ARHGAP6: variants seen among roughly 807,000 people sequenced by gnomAD.
The protein encoded by ARHGAP6 is Rho GTPase activating protein 6, also known as rho GTPase-activating protein 6.
ARHGAP6 carries 16 observed loss-of-function variants against 55.7 expected under a neutral mutation model. The ratio of observed to expected loss-of-function variants is 0.29; its 90% CI spans 0.19 to 0.44. ARHGAP6 has a LOEUF of 0.44. Among genes scored for constraint, ARHGAP6 ranks in the 20% least tolerant of loss-of-function variants. ARHGAP6 has a pLI of 1.00. For missense variants in ARHGAP6, 698 were observed against 808.9 expected (o/e 0.86, Z 1.66); for synonymous variants, 382 against 360.9 (o/e 1.06, Z -0.66).
rs1461348594 is a variant in ARHGAP6, at chrX:11,144,152, A to G, written c.2004T>C (p.Pro668=). Residue 668 remains proline (P), a synonymous_variant, in exon 11 of 13, where the codon CCT becomes CCC. Coordinates refer to ENST00000337414, the MANE Select transcript of ARHGAP6 (RefSeq NM_013427.3). ...ACAGCACTGGGGAGTTGTTGTCATA[A>G]GGGGAGATGTCTCCGCTGGAGGCCT... The part of the protein sequence containing the change: ...SNKASSGDIS[P]YDNNSPVLSE... The G allele has an allele frequency of 8.3e-7, 1 of 1,212,004 alleles. No homozygotes were observed. Among genetic ancestry groups the G allele is most frequent in the South Asian group, 1.8e-5 (1 of 56,997 alleles).
intron 1 of ARHGAP6, among the ~76,000 whole-genome samples, chrX:11,273,655 A>AC (rs773864571): frequency 3.8e-5 from 4 of 105,667 alleles, no homozygotes; most frequent in Non-Finnish European, 7.8e-5. Flanking sequence ...CTATGGGTAG[A>AC]TTTTTTTTTT....
intron 2 of ARHGAP6, among the ~76,000 whole-genome samples, chrX:11,200,513 CCAAA>C (rs769470463): frequency 1.3e-3 from 142 of 112,584 alleles, no homozygotes; most frequent in African/African-American, 3.8e-3. Context: ...AAGACCAATA[CCAAA>C]CAGTGTCTTC....
At chrX:11,663,340 G>C (rs894956832) in intron 1 of ARHGAP6, among the ~76,000 whole-genome samples, 1 of 111,723 alleles carries the variant, frequency 9.0e-6, no homozygotes, top group Non-Finnish European at 1.9e-5. Flanking sequence ...ACAACTGATG[G>C]AATCTCCCTT....
chrX:11,450,914 C>G (rs1254543610), intron 1 of ARHGAP6, among the ~76,000 whole-genome samples: 1 of 111,538 alleles, frequency 9.0e-6, no homozygotes, highest in African/African-American at 3.3e-5. Flanking sequence ...CCCCATTTCC[C>G]CACCGCTGAC....
chrX:11,326,641 C>G (rs2048502949), intron 1 of ARHGAP6, among the ~76,000 whole-genome samples: 1 of 111,781 alleles, frequency 8.9e-6, no homozygotes, highest in Non-Finnish European at 1.9e-5. Context: ...TTGAATGAAT[C>G]TGAGTAACTC....
At chrX:11,357,528 T>C (rs5935030) in intron 1 of ARHGAP6, among the ~76,000 whole-genome samples, 8 of 111,621 alleles carry the variant, frequency 7.2e-5, no homozygotes, top group African/African-American at 2.3e-4. Context: ...TTTATTGTTC[T>C]CCAAATTTTA....
intron 1 of ARHGAP6, among the ~76,000 whole-genome samples, chrX:11,436,825 A>G (rs2049991306): frequency 9.4e-6 from 1 of 106,100 alleles, no homozygotes; most frequent in Non-Finnish European, 1.9e-5. Flanking sequence ...AATGTCAAGA[A>G]TAAGCAAATC....
chrX:11,619,609 C>T (rs900238397), intron 1 of ARHGAP6, among the ~76,000 whole-genome samples: 1 of 111,791 alleles, frequency 8.9e-6, no homozygotes, highest in Non-Finnish European at 1.9e-5. Context: ...ACATGGATTA[C>T]TGCCCTCTAA....
At chrX:11,168,348 C>G (rs746591933) in intron 9 of ARHGAP6, among the ~76,000 whole-genome samples, 2 of 112,353 alleles carry the variant, frequency 1.8e-5, no homozygotes, top group South Asian at 7.4e-4. Flanking sequence ...ACAATACTTT[C>G]ACGTATCAAA....
chrX:11,234,032 A>G (rs1234215411), intron 2 of ARHGAP6, among the ~76,000 whole-genome samples: 1 of 112,322 alleles, frequency 8.9e-6, no homozygotes, highest in African/African-American at 3.2e-5. Context: ...CCCTCTTTTT[A>G]TTTGGGAAAC....
At chrX:11,295,765 G>A (rs914287537) in intron 1 of ARHGAP6, among the ~76,000 whole-genome samples, 10 of 112,086 alleles carry the variant, frequency 8.9e-5, no homozygotes, top group South Asian at 3.7e-4. Context: ...TTGTTCAAGA[G>A]GGTATAGGAC....
Position 11,254,706 on chromosome X carries a change from C to A in ARHGAP6, c.590G>T (p.Gly197Val). Reference sequence around the variant, plus strand: ...TGACATGCTGTTCCAGGTGAAATCACCCTGTAGGCCAAAAAAAAAAAAAAA... The same window carrying A: ...TGACATGCTGTTCCAGGTGAAATCAACCTGTAGGCCAAAAAAAAAAAAAAA... ...GHPYVVWKSE[G>V]DFTWNSMSGR... Residue 197 changes from glycine to valine, a missense_variant and splice_region_variant, in exon 2 of 13, where the codon GGT (glycine) becomes GTT (valine). Gly to Val is a moderately radical substitution (Grantham distance 109). Around this residue, in one of 3 missense-constraint regions of ARHGAP6, gnomAD observed 322 missense variants for 451.1 expected, o/e 0.71. Coordinates refer to ENST00000337414, the MANE Select transcript of ARHGAP6 (RefSeq NM_013427.3). The A allele has an allele frequency of 1.8e-6, 2 of 1,123,980 alleles. No individual in the cohort carries two copies. Among genetic ancestry groups the A allele is most frequent in the African/African-American group, 3.9e-5 (2 of 51,462 alleles). The allele number at this position is 1,123,980 out of a possible 1,213,427, so 92.6% of individuals were successfully genotyped here. A position where few individuals can be genotyped will look rare whatever the true frequency, so the allele number is the denominator to read the frequency against.
At chrX:11,604,141 G>T (rs2052007915) in intron 1 of ARHGAP6, among the ~76,000 whole-genome samples, 1 of 111,804 alleles carries the variant, frequency 8.9e-6, no homozygotes, top group Non-Finnish European at 1.9e-5. Context: ...ATAGCTACTA[G>T]CATTCCATTG....
At chrX:11,544,143 G>A (rs751831741) in intron 1 of ARHGAP6, among the ~76,000 whole-genome samples, 4 of 111,964 alleles carry the variant, frequency 3.6e-5, no homozygotes, top group Non-Finnish European at 5.6e-5. Flanking sequence ...CATGACACAC[G>A]GAAAGCGAAA....
intron 1 of ARHGAP6, among the ~76,000 whole-genome samples, chrX:11,631,575 G>A (rs765398389): frequency 9.1e-6 from 1 of 109,673 alleles, no homozygotes; most frequent in Non-Finnish European, 1.9e-5. Context: ...TCCATAGCAC[G>A]ACTCCCCAAG....
chrX:11,569,598 C>A (rs1054207569), intron 1 of ARHGAP6, among the ~76,000 whole-genome samples: 3 of 112,043 alleles, frequency 2.7e-5, no homozygotes, highest in African/African-American at 9.8e-5. Flanking sequence ...GCATTTCCAT[C>A]GCTGACTTCT....
At chrX:11,308,710 T>G (rs1211332256) in intron 1 of ARHGAP6, among the ~76,000 whole-genome samples, 1 of 112,023 alleles carries the variant, frequency 8.9e-6, no homozygotes, top group Non-Finnish European at 1.9e-5. Context: ...ACTCTGAACT[T>G]CAGTTTCCTT....
intron 2 of ARHGAP6, among the ~76,000 whole-genome samples, chrX:11,253,135 T>C (rs1475998401): frequency 3.6e-5 from 4 of 110,762 alleles, no homozygotes; most frequent in Non-Finnish European, 7.6e-5. Context: ...GTCCTATTTA[T>C]TATAGGGTGT....
chrX:11,517,849 G>C (rs1432493324), intron 1 of ARHGAP6, among the ~76,000 whole-genome samples: 4 of 110,817 alleles, frequency 3.6e-5, no homozygotes, highest in Non-Finnish European at 7.6e-5. Context: ...GAGAGCATCA[G>C]GATAAATAAC....
Sources: allele counts gnomAD v4.1 joint callset (sites outside exome capture counted in the v4.1 genomes callset), GRCh38; gene constraint gnomAD v4.1.1; regional missense constraint gnomAD v4.1.1; transcripts MANE v1.5; gene names NCBI Gene and HGNC (gene_info 2026-07-23, HGNC 2026-07-21).